The following ADAMTS16 variants were observed in gnomAD, a reference collection of about 807,000 sequenced individuals.
ADAMTS16 encodes A disintegrin and metalloproteinase with thrombospondin motifs 16.
A neutral mutation model predicts 145.8 loss-of-function variants in ADAMTS16; 94 were observed. The ratio of observed to expected loss-of-function variants is 0.64; its 90% CI spans 0.55 to 0.77. The LOEUF is 0.77. Among genes scored for constraint, ADAMTS16 ranks in the 30% least tolerant of loss-of-function variants. The pLI is 0.00. For missense variants in ADAMTS16, 1,585 were observed against 1,591.5 expected (o/e 1.00, Z 0.07); for synonymous variants, 659 against 604.3 (o/e 1.09, Z -1.33).
At chr5:5,149,528 T>TAA (rs1734394033) in intron 3 of ADAMTS16, among the ~76,000 whole-genome samples, 3 of 152,266 alleles carry the variant, frequency 2.0e-5, no homozygotes, top group Non-Finnish European at 4.4e-5. Flanking sequence ...GGTACTATTT[T>TAA]TAAAACAGCT....
chr5:5,194,591 C>T lies in ADAMTS16; in HGVS notation c.1313+2801C>T, dbSNP rs76449712. On this transcript the variant is annotated intron_variant, in intron 8 of 22. Coordinates refer to ENST00000274181, the MANE Select transcript of ADAMTS16 (RefSeq NM_139056.4). ...TCAAATGAATTGTTAGCTGTGACCA[C>T]CACTTCAAATGAGAAAGGCTGTGAT... is the stretch of plus-strand genomic sequence containing the variant. Among the ~76,000 whole-genome samples the T allele has an allele frequency of 1.3e-3, 198 of 152,288 alleles. 4 individuals carry two copies. In the East Asian group the frequency reaches 0.024, roughly 19 times the overall value.
At chr5:5,187,658 G>A in intron 5 of ADAMTS16, 67 bp from the exon 6 acceptor site, 1 of 1,019,462 alleles carries the variant, frequency 9.8e-7, no homozygotes, top group African/African-American at 1.6e-5. Context: ...TTGGATTCTA[G>A]GCCCGCTAGT....
intron 18 of ADAMTS16, among the ~76,000 whole-genome samples, chr5:5,268,442 C>T (rs566653479): frequency 6.6e-6 from 1 of 152,304 alleles, no homozygotes; most frequent in African/African-American, 2.4e-5. Flanking sequence ...GCAACTGCGA[C>T]TGCTACTGCT....
At chr5:5,299,478 G>A (rs564071267) in intron 18 of ADAMTS16, among the ~76,000 whole-genome samples, 1 of 151,712 alleles carries the variant, frequency 6.6e-6, no homozygotes, top group East Asian at 2.0e-4. Flanking sequence ...CATTTTCAAA[G>A]AAAGCATTAT....
chr5:5,221,025 C>T (rs573696998), intron 10 of ADAMTS16, among the ~76,000 whole-genome samples: 100 of 152,216 alleles, frequency 6.6e-4, no homozygotes, highest in African/African-American at 2.3e-3. Context: ...CTCTGTGAGC[C>T]GCCCAGGGGC....
intron 9 of ADAMTS16, among the ~76,000 whole-genome samples, chr5:5,201,493 A>G (rs563019117): frequency 6.6e-6 from 1 of 152,298 alleles, no homozygotes; most frequent in East Asian, 1.9e-4. Context: ...TATTTCTATT[A>G]TTAAAAAGTA....
At chr5:5,209,700 T>C (rs184906087) in intron 10 of ADAMTS16, among the ~76,000 whole-genome samples, 101 of 152,286 alleles carry the variant, frequency 6.6e-4, no homozygotes, top group Admixed American at 1.2e-3. Context: ...TTGTCTCTCA[T>C]AGAAGGTAAT....
rs1735493836 is a variant in ADAMTS16, at chr5:5,186,232, T to C, written c.944T>C (p.Val315Ala). 1.2e-6 allele frequency: 2 copies of C among 1,613,638 alleles called. No homozygotes were observed. Among genetic ancestry groups the C allele is most frequent in the Non-Finnish European group, 1.7e-6 (2 of 1,179,994 alleles). ...NHGHENITTY[V>A]LTILNMVSAL... ...GGCCATGAAAATATCACCACCTACG[T>C]GCTCACGATACTCAACATGGTAGGA... Residue 315 changes from valine (V) to alanine (A), a missense_variant, in exon 5 of 23, where the codon GTG (valine) becomes GCG (alanine). Physicochemically the swap from Val to Ala is moderately conservative, Grantham distance 64 (BLOSUM62 0). This residue lies in a region of ADAMTS16 where 453 missense variants were observed against 412.1 expected (regional missense o/e 1.10). Transcript: ENST00000274181.
intron 6 of ADAMTS16, 45 bp downstream of exon 6, chr5:5,187,853 A>G: frequency 1.5e-6 from 2 of 1,305,412 alleles, no homozygotes; most frequent in East Asian, 2.3e-5. Context: ...TCCTAGAAAA[A>G]TAAATGCAAA....
chr5:5,156,817 TAGAGGCCTG>T (rs1734615796), intron 3 of ADAMTS16, among the ~76,000 whole-genome samples: 1 of 152,192 alleles, frequency 6.6e-6, no homozygotes. Context: ...GTATATCTTC[TAGAGGCCTG>T]AGGCCAGACT....
At chr5:5,249,264 C>G (rs1209289756) in intron 17 of ADAMTS16, among the ~76,000 whole-genome samples, 1 of 152,148 alleles carries the variant, frequency 6.6e-6, no homozygotes, top group Non-Finnish European at 1.5e-5. Flanking sequence ...TGAAAACAGA[C>G]AGAGTATGCA....
chr5:5,146,240 T>C lies in ADAMTS16; in HGVS notation c.286T>C (p.Ser96Pro). 1 of 1,614,072 alleles carries C rather than the reference T, an allele frequency of 6.2e-7. No individual in the cohort carries two copies. The highest frequency in any genetic ancestry group is 8.5e-7 in the Non-Finnish European group (1 of 1,180,024). Residue 96 changes from serine to proline, a missense_variant, in exon 3 of 23, where the codon TCT (serine) becomes CCT (proline). By Grantham distance (74) the Ser-to-Pro change is moderately conservative (BLOSUM62 -1). This residue lies in a region of ADAMTS16 where 453 missense variants were observed against 412.1 expected (regional missense o/e 1.10). Transcript: ENST00000274181. ...RRAVPVSEVE[S>P]LHLRLKGSRH... is the part of the protein sequence containing the mutation. ...AGCAGTGCCCGTGTCCGAGGTTGAG[T>C]CTCTTCACCTTCGGCTGAAAGGCTC...
At chr5:5,147,709 C>A (rs7704286) in intron 3 of ADAMTS16, among the ~76,000 whole-genome samples, 1 of 152,112 alleles carries the variant, frequency 6.6e-6, no homozygotes, top group African/African-American at 2.4e-5. Context: ...TCTTCCTTAA[C>A]GGACTAGAAC....
chr5:5,306,731 AGGG>A lies in ADAMTS16; in HGVS notation c.3411+5_3411+7del. 1 of 1,601,774 alleles carries A rather than the reference AGGG, an allele frequency of 6.2e-7. No individual in the cohort carries two copies. Among genetic ancestry groups the A allele is most frequent in the Non-Finnish European group, 8.5e-7 (1 of 1,173,534 alleles). ...GGTTTGCCTCACCCTGGTCTCAGGTAGGGGAGGCCCTCGGTTCCTGGAGAGTGG... is the reference window on the plus strand; with the variant it reads ...GGTTTGCCTCACCCTGGTCTCAGGTAGAGGCCCTCGGTTCCTGGAGAGTGG... On this transcript the variant is annotated splice_donor_5th_base_variant and intron_variant, in intron 21 of 22. Coordinates refer to ENST00000274181, the MANE Select transcript of ADAMTS16 (RefSeq NM_139056.4).
At chr5:5,315,441 T>A (rs1412148177) in intron 21 of ADAMTS16, among the ~76,000 whole-genome samples, 3 of 123,632 alleles carry the variant, frequency 2.4e-5, no homozygotes, top group African/African-American at 5.8e-5. Context: ...TGGAACTGTT[T>A]AAATGATACA....
intron 9 of ADAMTS16, among the ~76,000 whole-genome samples, chr5:5,206,153 G>A (rs1176996275): frequency 4.6e-5 from 7 of 151,710 alleles, no homozygotes; most frequent in Non-Finnish European, 7.4e-5. Flanking sequence ...TTGGCCGGGC[G>A]CGGTGGCTCA....
chr5:5,298,690 A>G (rs962204265), intron 18 of ADAMTS16, among the ~76,000 whole-genome samples: 2 of 152,264 alleles, frequency 1.3e-5, no homozygotes, highest in African/African-American at 2.4e-5. Flanking sequence ...TGCTATCTTT[A>G]AAGCATTCAA....
intron 9 of ADAMTS16, among the ~76,000 whole-genome samples, chr5:5,206,425 CAAA>C (rs1173829992): frequency 2.5e-5 from 1 of 39,432 alleles, no homozygotes; most frequent in East Asian, 1.2e-3. Flanking sequence ...GACTCCGTCT[CAAA>C]AAAAAAAAAA....
chr5:5,238,059 A>C (rs1437376837), intron 14 of ADAMTS16, among the ~76,000 whole-genome samples: 1 of 152,138 alleles, frequency 6.6e-6, no homozygotes, highest in African/African-American at 2.4e-5. Context: ...ATCCACTGAG[A>C]TCCTTAGTGT....
Sources: gnomAD v4.1 joint callset for allele counts (sites outside exome capture counted in the v4.1 genomes callset) on GRCh38, gnomAD v4.1.1 for gene constraint, gnomAD v4.1.1 regional missense constraint, MANE v1.5 for transcripts, NCBI Gene and HGNC (gene_info 2026-07-23, HGNC 2026-07-21) for gene names.